Variants in PTHLH observed in about 807,000 individuals in gnomAD.
PTHLH encodes parathyroid hormone-related protein.
Under a neutral mutation model 18.6 loss-of-function variants are expected in PTHLH, and 5 were observed. The ratio of observed to expected loss-of-function variants is 0.27; its 90% CI spans 0.14 to 0.56. The LOEUF is 0.56. Among genes scored for constraint, PTHLH ranks in the 20% least tolerant of loss-of-function variants. The pLI is 0.92. For synonymous variants in PTHLH, 90 were observed against 94.0 expected, an observed-to-expected ratio of 0.96 and a Z score of 0.25; for missense variants, 207 against 223.9, an observed-to-expected ratio of 0.92 and a Z score of 0.48.
intron 2 of PTHLH, among the ~76,000 whole-genome samples, chr12:27,970,612 A>T (rs1208039878): frequency 1.9e-4 from 29 of 151,880 alleles, no homozygotes; most frequent in Non-Finnish European, 8.8e-5. Flanking sequence ...GGCGCGGCGG[A>T]TCCGGGAGCC....
intron 3 of PTHLH, 143 bp from the exon 4 acceptor site, chr12:27,969,659 T>C (rs1372703809): frequency 6.2e-6 from 5 of 810,610 alleles, no homozygotes; most frequent in Non-Finnish European, 1.1e-5. Context: ...AAAAAATTTC[T>C]CTGGAGCCTC....
chr12:27,963,353 A>T lies in PTHLH; in HGVS notation c.519T>A (p.Asp173Glu). ...SDTSTTSLELDSRRH is the reference protein window; with the variant it reads ...SDTSTTSLELESRRH Reference sequence around the variant, plus strand: ...GGGCCAGAGAAGCCTGTTACCGTGAATCGAGCTCCAGCGACGTTGTGGAGG... The same window carrying T: ...GGGCCAGAGAAGCCTGTTACCGTGATTCGAGCTCCAGCGACGTTGTGGAGG... The change falls in exon 5 of 6, where the codon GAT becomes GAA. Residue 173 changes from aspartate (D) to glutamate (E), a missense_variant. By Grantham distance (45) the Asp-to-Glu change is conservative. Coordinates refer to ENST00000545234, the MANE Select transcript of PTHLH (RefSeq NM_198965.2). The T allele has an allele frequency of 6.2e-7, 1 of 1,614,224 alleles. No individual in the cohort carries two copies. The highest frequency in any genetic ancestry group is 1.1e-5 in the South Asian group (1 of 91,086).
chr12:27,962,620 C>T, intron 5 of PTHLH: 1 of 985,390 alleles, frequency 1.0e-6, no homozygotes, highest in Non-Finnish European at 1.2e-6. Context: ...TACGGCATTA[C>T]CCTAGAAAAA....
At chr12:27,968,063 A>C (rs1214628563) in intron 4 of PTHLH, among the ~76,000 whole-genome samples, 1 of 152,248 alleles carries the variant, frequency 6.6e-6, no homozygotes, top group African/African-American at 2.4e-5. Flanking sequence ...TATGAATTTC[A>C]AATTATTGAA....
rs1362594691 is a variant in PTHLH, at chr12:27,970,262, G to A, written c.-260C>T. 7.2e-6 allele frequency: 3 copies of A among 419,086 alleles called. No homozygotes were observed. Among genetic ancestry groups the A allele is most frequent in the Non-Finnish European group, 1.4e-5 (3 of 210,604 alleles). 26.0% of individuals were successfully genotyped at this position (419,086 alleles called of 1,614,324 possible). On this transcript the variant is annotated 5_prime_UTR_variant, in exon 3 of 6. Transcript: ENST00000545234. ...CGGAGGAATGTTCACACGCTCCGAG[G>A]CAAACCTGCCGGAGAAGTGAGCTAG...
At chr12:27,969,636 A>G (rs752679366) in intron 3 of PTHLH, 120 bp from the exon 4 acceptor site, 1 of 938,060 alleles carries the variant, frequency 1.1e-6, no homozygotes, top group South Asian at 1.3e-5. Context: ...GGCATCTCCC[A>G]AGTTGAAAAG....
chr12:27,965,949 G>A (rs1259748542), intron 4 of PTHLH, among the ~76,000 whole-genome samples: 4 of 152,172 alleles, frequency 2.6e-5, no homozygotes, highest in Admixed American at 1.3e-4. Context: ...AGTATTGGGG[G>A]CTTTTATTTC....
chr12:27,958,869 C>A (rs1247596728), intron 5 of PTHLH, among the ~76,000 whole-genome samples: 1 of 152,158 alleles, frequency 6.6e-6, no homozygotes, highest in Non-Finnish European at 1.5e-5. Flanking sequence ...TCCAAGACTG[C>A]CAGCTGGCAA....
chr12:27,958,786 C>T (rs557793366), intron 5 of PTHLH, among the ~76,000 whole-genome samples: 1 of 152,142 alleles, frequency 6.6e-6, no homozygotes, highest in Non-Finnish European at 1.5e-5. Context: ...CTGACTTAGC[C>T]CATATGTGCG....
In PTHLH at chr12:27,961,799, C is replaced by T. The variant is rs1286988351; in HGVS notation, c.524+1549G>A. 1.8e-5 allele frequency: 10 copies of T among 544,324 alleles called. No homozygotes were observed. The Admixed American group carries it at 3.3e-4, about 18-fold the overall frequency. The allele number at this position is 544,324 out of a possible 1,614,324, so 33.7% of individuals were successfully genotyped here. A position where few individuals can be genotyped will look rare whatever the true frequency, so the allele number is the denominator to read the frequency against. On this transcript the variant is annotated intron_variant, in intron 5 of 5. Transcript: ENST00000545234. ...ATGTGCTATTTAATGATGGGTTTGC[C>T]AGCTTAAAGAGACAAATAATGGTGA... is the stretch of plus-strand genomic sequence containing the variant.
At chr12:27,962,101 C>A in intron 5 of PTHLH, 2 of 527,834 alleles carry the variant, frequency 3.8e-6, no homozygotes, top group Non-Finnish European at 6.6e-6. Flanking sequence ...GGAGATAAAT[C>A]CAGCTTTGGG....
intron 2 of PTHLH, 93 bp from the exon 3 acceptor site, chr12:27,970,360 C>CG (rs1373868742): frequency 4.8e-5 from 7 of 146,366 alleles, no homozygotes; most frequent in Non-Finnish European, 1.1e-4. Flanking sequence ...GGCGGGCGCG[C>CG]GGGGGGCGGG....
chr12:27,963,444 G>A lies in PTHLH; in HGVS notation c.428C>T (p.Thr143Ile). ...TCCAGAGTCTAACCAGGCAGAGCGA[G>A]TTCGCCGTTTTTTCTTTTCCTGCTC... ...RKEQEKKKRR[T>I]RSAWLDSGVT... Residue 143 changes from threonine (T) to isoleucine (I), a missense_variant, in exon 5 of 6, where the codon ACT (threonine) becomes ATT (isoleucine). Transcript: ENST00000545234. The A allele has an allele frequency of 1.2e-6, 2 of 1,614,200 alleles. No homozygotes were observed. Among genetic ancestry groups the A allele is most frequent in the African/African-American group, 1.3e-5 (1 of 75,046 alleles).
intron 4 of PTHLH, among the ~76,000 whole-genome samples, chr12:27,967,077 A>T (rs1224506651): frequency 6.6e-6 from 1 of 152,254 alleles, no homozygotes; most frequent in Non-Finnish European, 1.5e-5. Context: ...CTTTTCATTA[A>T]ATGGAATAGA....
chr12:27,965,683 G>A (rs1403281307), intron 4 of PTHLH, among the ~76,000 whole-genome samples: 2 of 152,148 alleles, frequency 1.3e-5, no homozygotes, highest in African/African-American at 4.8e-5. Context: ...AGGCATGAAG[G>A]AGTCTCTCTT....
chr12:27,962,664 T>C (rs575090152), intron 5 of PTHLH: 26 of 984,644 alleles, frequency 2.6e-5, no homozygotes, highest in Admixed American at 6.2e-5. Context: ...AAAAGATACA[T>C]GAGAAAAACC....
chr12:27,962,226 A>C, intron 5 of PTHLH: 1 of 377,728 alleles, frequency 2.6e-6, no homozygotes, highest in Non-Finnish European at 4.7e-6. Flanking sequence ...ATAGAAACAT[A>C]CCCCCCTAGA....
rs1350360381 is a variant in PTHLH, at chr12:27,965,087, T to C, written c.102-1317A>G. 2.0e-5 allele frequency among the ~76,000 whole-genome samples: 3 copies of C among 152,342 alleles called. No individual in the cohort carries two copies. In the East Asian group the frequency reaches 5.8e-4, roughly 29 times the overall value. On this transcript the variant is annotated intron_variant, in intron 4 of 5. Coordinates refer to ENST00000545234, the MANE Select transcript of PTHLH (RefSeq NM_198965.2). ...ATGTCTTTAACTCCTCAGAGAAATA[T>C]GGCAATCATAAATAGCATTATTACT...
chr12:27,964,268 C>T (rs1282993829), intron 4 of PTHLH, among the ~76,000 whole-genome samples: 4 of 20,122 alleles, frequency 2.0e-4, no homozygotes, highest in East Asian at 2.5e-3. Context: ...CTCTCTCTCT[C>T]CTCTCTCTCT....
Sources: allele counts gnomAD v4.1 joint callset (sites outside exome capture counted in the v4.1 genomes callset), GRCh38; gene constraint gnomAD v4.1.1; transcripts MANE v1.5; gene names NCBI Gene and HGNC (gene_info 2026-07-23, HGNC 2026-07-21).